The following ATM variants were observed in gnomAD, a reference collection of about 807,000 sequenced individuals.
The protein encoded by ATM is serine-protein kinase ATM.
A neutral mutation model predicts 387.0 loss-of-function variants in ATM; 308 were observed. The observed-to-expected ratio is 0.80, with a 90% confidence interval of 0.73 to 0.87. The LOEUF is 0.87. Ranked by LOEUF, ATM falls within the 40% of genes least tolerant of loss-of-function variation. ATM has a pLI of 0.00. For missense variants in ATM, 3,312 were observed against 3,560.9 expected, an observed-to-expected ratio of 0.93 and a Z score of 1.78; for synonymous variants, 1,156 against 1,187.3, an observed-to-expected ratio of 0.97 and a Z score of 0.54.
intron 61 of ATM, among the ~76,000 whole-genome samples, chr11:108,359,938 A>G (rs11501004): frequency 0.057 from 8,664 of 152,102 alleles, 784 homozygotes; most frequent in African/African-American, 0.19. Flanking sequence ...GCAAGAAATA[A>G]CTAAAATCAG....
intron 58 of ATM, 149 bp downstream of exon 58, chr11:108,346,057 C>G (rs2088342335): frequency 2.3e-6 from 2 of 851,844 alleles, no homozygotes; most frequent in African/African-American, 1.7e-5. Context: ...ATTATTAAAT[C>G]ATATGTTTCT....
In ATM at chr11:108,223,247, A is replaced by G. The variant is rs1800066; in HGVS notation, c.-31+61A>G. 6.0e-3 allele frequency: 958 copies of G among 160,736 alleles called. 6 individuals carry two copies. The highest frequency in any genetic ancestry group is 0.01 in the East Asian group (56 of 5,350). The allele number at this position is 160,736 out of a possible 1,614,324, so 10.0% of individuals were successfully genotyped here. On this transcript the variant is annotated intron_variant, in intron 1 of 62. Transcript: ENST00000675843. Reference sequence around the variant, plus strand: ...TGGGAAATTCAGTCGTGTGCGACCCAGTCTGTCCTCTCCCCAGACCGCCAA... The same window carrying G: ...TGGGAAATTCAGTCGTGTGCGACCCGGTCTGTCCTCTCCCCAGACCGCCAA...
chr11:108,362,800 G>T (rs1303468808), intron 61 of ATM, among the ~76,000 whole-genome samples: 2 of 127,140 alleles, frequency 1.6e-5, no homozygotes, highest in Admixed American at 8.5e-5. Context: ...GGACTGTGGT[G>T]GGGTGGGGGG....
chr11:108,270,090 C>T (rs966753168), intron 18 of ATM, among the ~76,000 whole-genome samples: 1 of 151,710 alleles, frequency 6.6e-6, no homozygotes, highest in Non-Finnish European at 1.5e-5. Context: ...AAAAAAAATC[C>T]CTTATTATTT....
chr11:108,348,830 C>T (rs1347242738), intron 59 of ATM, among the ~76,000 whole-genome samples: 1 of 152,154 alleles, frequency 6.6e-6, no homozygotes, highest in Non-Finnish European at 1.5e-5. Context: ...GGAGAATTCT[C>T]TTCTGCATAA....
rs547791214 is a variant in ATM at position 108,268,579 on chromosome 11, A to G, written c.2808A>G (p.Leu936=). The part of the protein sequence containing the change: ...KLLMLIDSST[L]EPTKSLHLHM... The stretch of plus-strand genomic sequence containing the variant: ...TAATGTTAATTGATTCTAGCACGCT[A>G]GAACCTACCAAATCCCTCCACCTGC... The change falls in exon 18 of 63, where the codon CTA becomes CTG. Residue 936 remains leucine (L), a synonymous_variant. Transcript: ENST00000675843. 3.7e-6 allele frequency: 6 copies of G among 1,614,080 alleles called. No homozygotes were observed. Among genetic ancestry groups the G allele is most frequent in the African/African-American group, 1.3e-5 (1 of 75,056 alleles).
chr11:108,238,997 TTCTC>T (rs1170301989), intron 5 of ATM, among the ~76,000 whole-genome samples: 1 of 152,160 alleles, frequency 6.6e-6, no homozygotes, highest in African/African-American at 2.4e-5. Context: ...CCATTCTACT[TTCTC>T]TCTCTATGAA....
chr11:108,275,442 GT>G (rs201514804), intron 22 of ATM, among the ~76,000 whole-genome samples: 1,958 of 152,304 alleles, frequency 0.013, 52 homozygotes, highest in African/African-American at 0.044. Context: ...AGTTGATGCA[GT>G]TTCTTCATAG....
intron 16 of ATM, among the ~76,000 whole-genome samples, chr11:108,265,741 A>G (rs1191650070): frequency 7.3e-6 from 1 of 137,126 alleles, no homozygotes; most frequent in African/African-American, 2.8e-5. Context: ...TCATCTGACA[A>G]AGGGCTAATA....
In ATM at chr11:108,368,520, A is replaced by G. The variant is rs936740894; in HGVS notation, c.*3012A>G. On this transcript the variant is annotated 3_prime_UTR_variant, in exon 63 of 63. Coordinates refer to ENST00000675843, the MANE Select transcript of ATM (RefSeq NM_000051.4). The stretch of plus-strand genomic sequence containing the variant: ...GCTGGAGAAATCAGAATTTGGAGAA[A>G]TAAGTTGTCCAAGGCAAGAAGATAG... 4 of 216,826 alleles carry G rather than the reference A, an allele frequency of 1.8e-5. No individual in the cohort carries two copies. The highest frequency in any genetic ancestry group is 6.8e-5 in the African/African-American group (3 of 44,444). 13.4% of individuals were successfully genotyped at this position (216,826 alleles called of 1,614,324 possible).
chr11:108,233,224 G>T (rs1240999206), intron 4 of ATM, among the ~76,000 whole-genome samples: 1 of 152,112 alleles, frequency 6.6e-6, no homozygotes, highest in East Asian at 1.9e-4. Flanking sequence ...AGTCTAGATA[G>T]TGCAAAACTC....
chr11:108,286,937 A>G (rs1161622425), intron 26 of ATM, among the ~76,000 whole-genome samples: 1 of 152,208 alleles, frequency 6.6e-6, no homozygotes, highest in African/African-American at 2.4e-5. Context: ...TCATTTAACT[A>G]AAGTGCAACA....
At chr11:108,264,225 A>T (rs1261706409) in intron 16 of ATM, among the ~76,000 whole-genome samples, 1 of 152,042 alleles carries the variant, frequency 6.6e-6, no homozygotes, top group Non-Finnish European at 1.5e-5. Flanking sequence ...TGATGCAAAA[A>T]TCCTCAATAA....
chr11:108,230,718 T>C (rs562972786), intron 4 of ATM: 1 of 152,338 alleles, frequency 6.6e-6, no homozygotes, highest in Non-Finnish European at 1.5e-5. Context: ...TTTTTTTTAA[T>C]ACAGGCTCTT....
chr11:108,266,269 T>C (rs921593630), intron 16 of ATM, among the ~76,000 whole-genome samples: 3 of 151,596 alleles, frequency 2.0e-5, no homozygotes, highest in African/African-American at 7.3e-5. Flanking sequence ...ATTAAGAAAC[T>C]GTGGCACATA....
intron 56 of ATM, among the ~76,000 whole-genome samples, chr11:108,342,089 T>G (rs377605928): frequency 6.6e-6 from 1 of 152,078 alleles, no homozygotes; most frequent in Non-Finnish European, 1.5e-5. Flanking sequence ...AGATTTTTTT[T>G]GCAGTTTTTT....
intron 61 of ATM, among the ~76,000 whole-genome samples, chr11:108,357,360 G>C (rs1438868098): frequency 6.6e-6 from 1 of 152,174 alleles, no homozygotes; most frequent in African/African-American, 2.4e-5. Flanking sequence ...TGGCAGCGAG[G>C]CTGGGGGAGG....
intron 35 of ATM, among the ~76,000 whole-genome samples, chr11:108,302,628 G>A (rs1392124035): frequency 1.3e-5 from 2 of 152,106 alleles, no homozygotes; most frequent in Non-Finnish European, 2.9e-5. Flanking sequence ...AGAGCTGAGA[G>A]TAGAACCTAA....
intron 5 of ATM, among the ~76,000 whole-genome samples, chr11:108,243,299 C>G (rs1394243035): frequency 6.6e-6 from 1 of 151,886 alleles, no homozygotes; most frequent in Non-Finnish European, 1.5e-5. Context: ...TATTATTAAT[C>G]AAACAGTATT....
Sources: allele counts gnomAD v4.1 joint callset (sites outside exome capture counted in the v4.1 genomes callset), GRCh38; gene constraint gnomAD v4.1.1; transcripts MANE v1.5; gene names NCBI Gene and HGNC (gene_info 2026-07-23, HGNC 2026-07-21).